Variants in MTOR observed in about 807,000 individuals in gnomAD.
MTOR encodes mechanistic target of rapamycin kinase, also known as serine/threonine-protein kinase mTOR.
A neutral mutation model predicts 319.8 loss-of-function variants in MTOR; 70 were observed. That is an observed-to-expected ratio of 0.22 (90% CI 0.18 to 0.27). The LOEUF (loss-of-function observed/expected upper bound fraction) is 0.27, where lower values mean the gene tolerates loss of function less well. Ranked by LOEUF, MTOR falls within the 10% of genes least tolerant of loss-of-function variation. The pLI is 1.00. For synonymous variants in MTOR, 1,183 were observed against 1,211.4 expected (o/e 0.98, Z 0.49); for missense variants, 1,890 against 3,274.4 (o/e 0.58, Z 10.32).
intron 36 of MTOR, among the ~76,000 whole-genome samples, chr1:11,136,080 GCCGAGATCA>G (rs1005540633): frequency 6.6e-6 from 1 of 151,830 alleles, no homozygotes; most frequent in African/African-American, 2.4e-5. Context: ...GTTGCAGTGA[GCCGAGATCA>G]CACCACTGCA....
intron 29 of MTOR, among the ~76,000 whole-genome samples, chr1:11,160,925 C>T (rs565147821): frequency 2.7e-4 from 41 of 152,174 alleles, no homozygotes; most frequent in Middle Eastern, 3.4e-3. Flanking sequence ...TGGGGCTTGT[C>T]GGACAGTGGG....
At chr1:11,235,705 C>T (rs974200513) in intron 13 of MTOR, among the ~76,000 whole-genome samples, 1 of 152,108 alleles carries the variant, frequency 6.6e-6, no homozygotes, top group Non-Finnish European at 1.5e-5. Context: ...TAGAGCCAGC[C>T]GGGCGAGGTG....
At chr1:11,193,566 C>A in intron 28 of MTOR, 1 of 1,566,832 alleles carries the variant, frequency 6.4e-7, no homozygotes, top group South Asian at 1.2e-5. Context: ...ACCAGAGTAT[C>A]CCCTCTGCTT....
At chr1:11,180,203 C>A (rs576800477) in intron 28 of MTOR, among the ~76,000 whole-genome samples, 14 of 151,348 alleles carry the variant, frequency 9.3e-5, no homozygotes, top group Non-Finnish European at 1.5e-4. Context: ...CTGCACCCAG[C>A]CTGGAATGTG....
At chr1:11,234,368 A>G in intron 13 of MTOR, 103 bp from the exon 14 acceptor site, 1 of 1,337,826 alleles carries the variant, frequency 7.5e-7, no homozygotes, top group Non-Finnish European at 1.0e-6. Flanking sequence ...AAAAACCCAG[A>G]CCTCCACGAC....
intron 19 of MTOR, 54 bp downstream of exon 19, chr1:11,228,614 T>C (rs991855498): frequency 5.7e-6 from 9 of 1,584,586 alleles, no homozygotes; most frequent in African/African-American, 2.7e-5. Flanking sequence ...CAGATGGATC[T>C]GTGCATGTGT....
At position 11,213,530 on chromosome 1, in the gene MTOR, T is replaced by C. The variant is rs780118509; in HGVS notation, c.3154A>G (p.Ile1052Val). ...ACAATTTGCTCAATGAGAAGAATGA[T>C]CGTGCTCTGAATTGAGGTGTTCATG... is the stretch of plus-strand genomic sequence containing the variant. ...WVMNTSIQST[I>V]ILLIEQIVVA... The change falls in exon 21 of 58, where the codon ATC becomes GTC. Residue 1052 changes from isoleucine (I) to valine (V), a missense_variant. Physicochemically the swap from Ile to Val is conservative, Grantham distance 29. Around this residue, in one of 15 missense-constraint regions of MTOR, gnomAD observed 377 missense variants for 653.9 expected, o/e 0.58. Transcript: ENST00000361445. 2 of 1,614,010 alleles carry C rather than the reference T, an allele frequency of 1.2e-6. No homozygotes were observed. The highest frequency in any genetic ancestry group is 4.5e-5 in the East Asian group (2 of 44,908).
intron 13 of MTOR, among the ~76,000 whole-genome samples, chr1:11,236,057 G>C (rs890342283): frequency 1.5e-4 from 22 of 151,712 alleles, no homozygotes; most frequent in Non-Finnish European, 2.9e-4. Context: ...GCAGTACCTG[G>C]AACATAGCAT....
At chr1:11,114,571 G>A (rs1642064750) in intron 52 of MTOR, 118 bp from the exon 53 acceptor site, 1 of 1,415,876 alleles carries the variant, frequency 7.1e-7, no homozygotes, top group Non-Finnish European at 9.7e-7. Flanking sequence ...ACGTATCAGG[G>A]TGAGAATGTC....
intron 19 of MTOR, among the ~76,000 whole-genome samples, chr1:11,220,112 T>C (rs1007158213): frequency 1.6e-5 from 2 of 125,586 alleles, no homozygotes; most frequent in African/African-American, 5.7e-5. Flanking sequence ...AAAAAGATAA[T>C]AGATGAGAAT....
intron 3 of MTOR, among the ~76,000 whole-genome samples, chr1:11,257,547 A>C (rs979702984): frequency 7.4e-6 from 1 of 135,752 alleles, no homozygotes; most frequent in African/African-American, 2.8e-5. Flanking sequence ...TGGGCGACAG[A>C]GTGAGACTCT....
At chr1:11,201,745 A>G (rs1361786542) in intron 26 of MTOR, among the ~76,000 whole-genome samples, 1 of 152,166 alleles carries the variant, frequency 6.6e-6, no homozygotes, top group African/African-American at 2.4e-5. Flanking sequence ...TCAATTTTGT[A>G]TTCCATTTTA....
Position 11,128,942 on chromosome 1 carries a change from G to C in MTOR, c.5724C>G (p.Thr1908=). 1 of 1,613,068 alleles carries C rather than the reference G, an allele frequency of 6.2e-7. No individual in the cohort carries two copies. Among genetic ancestry groups the C allele is most frequent in the Non-Finnish European group, 8.5e-7 (1 of 1,179,556 alleles). Residue 1908 remains threonine (T), a synonymous_variant, in exon 41 of 58, where the codon ACC becomes ACG. Coordinates refer to ENST00000361445, the MANE Select transcript of MTOR (RefSeq NM_004958.4). The surrounding 1 kb of genome is among the most constrained non-coding windows in gnomAD (Gnocchi z 5.3). The part of the protein sequence containing the change: ...NNLQDTLRVL[T]LWFDYGHWPD... Reference sequence around the variant, plus strand: ...GCCAGTGACCATAATCAAACCATAAGGTGAGAACTCTGAAAAAGAAATGAG... The same window carrying C: ...GCCAGTGACCATAATCAAACCATAACGTGAGAACTCTGAAAAAGAAATGAG...
chr1:11,222,119 G>A (rs1231273119), intron 19 of MTOR, among the ~76,000 whole-genome samples: 1 of 138,548 alleles, frequency 7.2e-6, no homozygotes, highest in African/African-American at 2.7e-5. Context: ...CATGTATTCT[G>A]CTTTTCCTAC....
chr1:11,124,307 T>C (rs978803227), intron 47 of MTOR, among the ~76,000 whole-genome samples, 191 bp downstream of exon 47: 1 of 152,156 alleles, frequency 6.6e-6, no homozygotes, highest in Non-Finnish European at 1.5e-5. Flanking sequence ...ACTGCAGCCT[T>C]GAACTCCTGG....
intron 29 of MTOR, among the ~76,000 whole-genome samples, chr1:11,163,365 T>C (rs893394806): frequency 2.6e-4 from 39 of 152,130 alleles, no homozygotes; most frequent in Non-Finnish European, 3.5e-4. Flanking sequence ...CTGTCAACAT[T>C]AGACAGATCA....
chr1:11,116,048 T>C (rs1244129346), intron 50 of MTOR, among the ~76,000 whole-genome samples: 1 of 152,208 alleles, frequency 6.6e-6, no homozygotes, highest in African/African-American at 2.4e-5. Flanking sequence ...GTAAAATTAT[T>C]TTTACTCTCA....
chr1:11,256,105 C>T lies in MTOR; in HGVS notation c.592G>A (p.Val198Met), dbSNP rs1420681025. Residue 198 changes from valine to methionine, a missense_variant, in exon 5 of 58, where the codon GTG becomes ATG. Around this residue, in one of 15 missense-constraint regions of MTOR, gnomAD observed 81 missense variants for 203.6 expected, o/e 0.40. Transcript: ENST00000361445. Reference sequence around the variant, plus strand: ...CGGATGGCCTGTTTGGGGTCCCACACGGCCACAAAAATGTTGTCAAAGAAG... The same window carrying T: ...CGGATGGCCTGTTTGGGGTCCCACATGGCCACAAAAATGTTGTCAAAGAAG... ...QPFFDNIFVA[V>M]WDPKQAIREG... The T allele has an allele frequency of 3.7e-6, 6 of 1,613,964 alleles. No homozygotes were observed. Among genetic ancestry groups the T allele is most frequent in the East Asian group, 2.2e-5 (1 of 44,880 alleles).
At position 11,128,068 on chromosome 1, in the gene MTOR, G is replaced by A. The variant is rs2100413643; in HGVS notation, c.5969C>T (p.Ala1990Val). The A allele has an allele frequency of 1.2e-6, 2 of 1,614,188 alleles. No homozygotes were observed. The highest frequency in any genetic ancestry group is 1.7e-6 in the Non-Finnish European group (2 of 1,180,044). The change falls in exon 43 of 58, where the codon GCA (alanine) becomes GTA (valine). Residue 1990 changes from alanine to valine, a missense_variant. This residue lies in a region of MTOR where 249 missense variants were observed against 596.2 expected (regional missense o/e 0.42). Coordinates refer to ENST00000361445, the MANE Select transcript of MTOR (RefSeq NM_004958.4). The surrounding 1 kb of genome is among the most constrained non-coding windows in gnomAD (Gnocchi z 5.3). ...CATGTTCTTCAGAATCTTGTTGGCT[G>A]CATTGTGCCGGGCTGTCGTGGTAGA... ...SKSTTTARHN[A>V]ANKILKNMCE...
Sources: gnomAD v4.1 joint callset for allele counts (sites outside exome capture counted in the v4.1 genomes callset) on GRCh38, gnomAD v4.1.1 for gene constraint, gnomAD v4.1.1 regional missense constraint, Gnocchi (gnomAD v3.1) non-coding constraint, MANE v1.5 for transcripts, NCBI Gene and HGNC (gene_info 2026-07-23, HGNC 2026-07-21) for gene names.